The following MIAT variants were observed in gnomAD, a reference collection of about 807,000 sequenced individuals.
The protein encoded by MIAT is MI related novel mRNA.
At chr22:26,672,169 C>T, downstream of MIAT, 1 of 399,830 alleles carries the variant, frequency 2.5e-6, no homozygotes, top group Non-Finnish European at 4.4e-6. Flanking sequence ...TCCGCTGGTG[C>T]TGTGCTCTGA....
downstream of MIAT, chr22:26,673,892 T>C (rs1931163052): frequency 5.0e-6 from 2 of 398,572 alleles, no homozygotes; most frequent in Non-Finnish European, 8.8e-6. Flanking sequence ...GTTTTGGCCA[T>C]TGGGCATATC....
rs1427978143 is a variant in MIAT at position 26,661,926 on chromosome 22, A to ATGGATC, written n.647-1389_647-1388insGGATCT. On this transcript the variant is annotated intron_variant and non_coding_transcript_variant, in intron 2 of 5. Transcript: ENST00000643270. ...TGGATCTATATAGATCCATATATAT[A>ATGGATC]TATATATATATATATATATATATAT... 6.2e-4 allele frequency among the ~76,000 whole-genome samples: 13 copies of ATGGATC among 20,928 alleles called. No homozygotes were observed. The East Asian group carries it at 9.6e-3, about 15-fold the overall frequency. 13.7% of individuals were successfully genotyped at this position (20,928 alleles called of 152,430 possible).
At chr22:26,667,456 GT>G in intron 5 of MIAT, 1 of 394,314 alleles carries the variant, frequency 2.5e-6, no homozygotes, top group South Asian at 1.4e-4. Context: ...GTTGGGGGTG[GT>G]GGTGTGCAGA....
At chr22:26,666,372 G>T in exon 4 of MIAT, 1 of 398,736 alleles carries the variant, frequency 2.5e-6, no homozygotes, top group African/African-American at 2.1e-5. Context: ...AAGGGCAGGG[G>T]AGAAGGAGGG....
At chr22:26,647,278 C>T (rs1241132710) in exon 2 of MIAT, 1 of 397,628 alleles carries the variant, frequency 2.5e-6, no homozygotes, top group African/African-American at 2.1e-5. Context: ...ACACCCTTCA[C>T]CGTGCCCTGG....
chr22:26,673,229 C>A, downstream of MIAT: 1 of 398,824 alleles, frequency 2.5e-6, no homozygotes, highest in Non-Finnish European at 4.4e-6. Flanking sequence ...TTCCCACGGA[C>A]GTCACTGCCT....
chr22:26,648,746 A>T (rs1408069948), intron 2 of MIAT, among the ~76,000 whole-genome samples: 4 of 152,220 alleles, frequency 2.6e-5, no homozygotes, highest in Non-Finnish European at 5.9e-5. Flanking sequence ...AAGAACAGCA[A>T]CTGTGTCTGT....
At chr22:26,672,250 C>T (rs762762789), downstream of MIAT, 1 of 399,126 alleles carries the variant, frequency 2.5e-6, no homozygotes, top group East Asian at 3.6e-5. Context: ...GCTCTGGGCT[C>T]CCCCCGGGGG....
downstream of MIAT, chr22:26,672,759 C>T (rs990932520): frequency 7.5e-6 from 3 of 398,800 alleles, no homozygotes; most frequent in African/African-American, 6.2e-5. Context: ...AAAGCGGAGC[C>T]TTTCTTACAC....
At chr22:26,673,673 A>T (rs1399833875), downstream of MIAT, 1 of 397,468 alleles carries the variant, frequency 2.5e-6, no homozygotes, top group Non-Finnish European at 4.4e-6. Flanking sequence ...ACAGGTTTGA[A>T]CTTGGCTAAC....
At chr22:26,666,570 A>C in exon 4 of MIAT, 1 of 398,680 alleles carries the variant, frequency 2.5e-6, no homozygotes, top group Non-Finnish European at 4.4e-6. Context: ...TTCAGCTGCT[A>C]TTCAGCTATC....
chr22:26,665,371 C>A (rs1930810381), intron 3 of MIAT: 1 of 398,038 alleles, frequency 2.5e-6, no homozygotes, highest in Non-Finnish European at 4.4e-6. Flanking sequence ...AGCCCCAAAG[C>A]CCATACCTTC....
chr22:26,649,406 C>G (rs1209401323), intron 2 of MIAT, among the ~76,000 whole-genome samples: 1 of 152,224 alleles, frequency 6.6e-6, no homozygotes, highest in Non-Finnish European at 1.5e-5. Flanking sequence ...GATTCCTCCC[C>G]ACTATTCCTG....
chr22:26,658,688 C>A (rs1029107696), intron 2 of MIAT, among the ~76,000 whole-genome samples: 1 of 152,200 alleles, frequency 6.6e-6, no homozygotes, highest in Non-Finnish European at 1.5e-5. Context: ...TCCCAGGCTC[C>A]GGATCCGAGG....
chr22:26,675,038 G>T (rs890855443), exon 5 of MIAT: 6 of 398,740 alleles, frequency 1.5e-5, no homozygotes, highest in Non-Finnish European at 2.7e-5. Flanking sequence ...TGTGCCAGGC[G>T]TGTGCCAGGC....
intron 2 of MIAT, among the ~76,000 whole-genome samples, chr22:26,652,150 T>G (rs1443218526): frequency 6.6e-6 from 1 of 152,134 alleles, no homozygotes; most frequent in Non-Finnish European, 1.5e-5. Context: ...CACACTACCA[T>G]GCCTGGCTAA....
downstream of MIAT, chr22:26,671,039 A>T (rs1931026378): frequency 2.5e-6 from 1 of 397,658 alleles, no homozygotes; most frequent in South Asian, 1.3e-4. Context: ...GATGGAAGAG[A>T]TGTCTACTAA....
At chr22:26,651,449 GTATGTGAGGAAGCCCACCTTGC>G (rs1387823452) in intron 2 of MIAT, among the ~76,000 whole-genome samples, 1 of 152,188 alleles carries the variant, frequency 6.6e-6, no homozygotes, top group Non-Finnish European at 1.5e-5. Flanking sequence ...ATGGGAGGGT[GTATGTGAGGAAGCCCACCTTGC>G]TACTGACTCC....
chr22:26,650,339 CT>C (rs1336196979), intron 2 of MIAT: 1 of 152,206 alleles, frequency 6.6e-6, no homozygotes, highest in Non-Finnish European at 1.5e-5. Flanking sequence ...GACTTCCAGC[CT>C]CCTTAAGTTG....
Sources: gnomAD v4.1 joint callset for allele counts (sites outside exome capture counted in the v4.1 genomes callset) on GRCh38, gnomAD v4.1.1 for gene constraint, MANE v1.5 for transcripts, NCBI Gene and HGNC (gene_info 2026-07-23, HGNC 2026-07-21) for gene names.